The following LRP1B variants were observed in gnomAD, a reference collection of about 807,000 sequenced individuals.
The protein encoded by LRP1B is low-density lipoprotein receptor-related protein 1B.
LRP1B carries 217 observed loss-of-function variants against 556.6 expected under a neutral mutation model. That is an observed-to-expected ratio of 0.39 (90% confidence interval 0.35 to 0.44). LRP1B has a LOEUF of 0.44. LRP1B is among the 20% of genes least tolerant of loss of function. The probability of loss-of-function intolerance (pLI) is 1.00; values close to 1 mark genes in which losing one functional copy is unlikely to be tolerated. For missense variants in LRP1B, 5,053 were observed against 5,620.8 expected (o/e 0.90, Z 3.23); for synonymous variants, 2,047 against 1,865.8 (o/e 1.10, Z -2.50).
intron 2 of LRP1B, among the ~76,000 whole-genome samples, chr2:141,619,174 T>C (rs575964724): frequency 6.6e-6 from 1 of 152,304 alleles, no homozygotes; most frequent in East Asian, 1.9e-4. Flanking sequence ...CTTGAGCCTT[T>C]TTAGGGAATT....
chr2:141,437,984 C>A (rs1002747571), intron 3 of LRP1B, among the ~76,000 whole-genome samples: 1 of 151,976 alleles, frequency 6.6e-6, no homozygotes, highest in African/African-American at 2.4e-5. Context: ...ACATAAAATT[C>A]TTCTCATTAT....
Position 141,857,846 on chromosome 2 carries a change from G to A in LRP1B, c.83-47445C>T, listed in dbSNP as rs1022484340. Among the ~76,000 whole-genome samples the A allele has an allele frequency of 2.0e-5, 3 of 152,200 alleles. No individual in the cohort carries two copies. The East Asian group carries it at 5.8e-4, about 29-fold the overall frequency. ...CCCTTTCACAGAACAGCCTTCACCT[G>A]TACTGCAGATATTTAAAGCCTACCT... is the stretch of plus-strand genomic sequence containing the variant. On this transcript the variant is annotated intron_variant, in intron 1 of 90. Transcript: ENST00000389484.
intron 3 of LRP1B, among the ~76,000 whole-genome samples, chr2:141,395,033 C>G (rs1690191448): frequency 6.6e-6 from 1 of 152,062 alleles, no homozygotes. Context: ...ACTGCATATA[C>G]AAATTGTGGT....
intron 2 of LRP1B, among the ~76,000 whole-genome samples, chr2:141,732,359 ATT>A (rs5834862): frequency 6.6e-6 from 1 of 151,590 alleles, no homozygotes; most frequent in Non-Finnish European, 1.5e-5. Context: ...GTTTTTTTCC[ATT>A]TTTTTTTAAA....
chr2:140,340,017 T>C (rs1307709265), intron 77 of LRP1B, among the ~76,000 whole-genome samples: 1 of 151,534 alleles, frequency 6.6e-6, no homozygotes, highest in Non-Finnish European at 1.5e-5. Context: ...TTCTCAGTTG[T>C]TGAAAAAGAC....
At chr2:140,373,957 C>T (rs1334211454) in intron 68 of LRP1B, among the ~76,000 whole-genome samples, 3 of 152,198 alleles carry the variant, frequency 2.0e-5, no homozygotes, top group African/African-American at 4.8e-5. Flanking sequence ...CATCTCTTTT[C>T]CTTTGCACCA....
intron 66 of LRP1B, among the ~76,000 whole-genome samples, chr2:140,395,219 C>G (rs996417949): frequency 3.3e-5 from 5 of 152,096 alleles, no homozygotes; most frequent in African/African-American, 1.2e-4. Flanking sequence ...TTATAATTAC[C>G]TGAGTAATGC....
intron 3 of LRP1B, among the ~76,000 whole-genome samples, chr2:141,415,765 A>G (rs1338093009): frequency 2.6e-5 from 4 of 152,112 alleles, no homozygotes; most frequent in Admixed American, 1.3e-4. Flanking sequence ...GTAAATAATT[A>G]TCTCCCCTCA....
At chr2:140,675,541 T>G (rs1377247698) in intron 41 of LRP1B, among the ~76,000 whole-genome samples, 3 of 152,220 alleles carry the variant, frequency 2.0e-5, no homozygotes, top group Admixed American at 6.5e-5. Context: ...TACCAAATAG[T>G]CTTTAATTAA....
intron 2 of LRP1B, among the ~76,000 whole-genome samples, chr2:141,566,786 G>T (rs1686346875): frequency 6.6e-6 from 1 of 152,004 alleles, no homozygotes; most frequent in African/African-American, 2.4e-5. Flanking sequence ...TTGAGCCCAG[G>T]TGTTTGAGGC....
intron 21 of LRP1B, among the ~76,000 whole-genome samples, chr2:140,916,617 TC>T (rs1355378137): frequency 1.3e-5 from 2 of 152,170 alleles, no homozygotes; most frequent in Non-Finnish European, 2.9e-5. Context: ...TGTTGCTTAT[TC>T]CAATGGAATC....
At chr2:140,639,879 C>CAACA (rs1473558353) in intron 41 of LRP1B, among the ~76,000 whole-genome samples, 1 of 152,166 alleles carries the variant, frequency 6.6e-6, no homozygotes, top group African/African-American at 2.4e-5. Context: ...ACTTGCTTTT[C>CAACA]CTTGATTCAA....
chr2:141,426,533 T>C (rs1680370011), intron 3 of LRP1B, among the ~76,000 whole-genome samples: 1 of 152,062 alleles, frequency 6.6e-6, no homozygotes, highest in African/African-American at 2.4e-5. Flanking sequence ...TACCAAAGCT[T>C]CTTTGAAATG....
At position 140,492,601 on chromosome 2, in the gene LRP1B, GT is replaced by G. The variant is rs1688749370; in HGVS notation, c.9120+6del. 6.2e-7 allele frequency: 1 copy of G among 1,602,118 alleles called. No homozygotes were observed. Among genetic ancestry groups the G allele is most frequent in the Admixed American group, 1.7e-5 (1 of 59,984 alleles). ...AATGTTACGGTGTCATCTTGGGAGT[GT>G]CATACCTGTTTTAAAAGTGTGTAGT... On this transcript the variant is annotated splice_donor_region_variant and intron_variant, in intron 57 of 90. Transcript: ENST00000389484.
At chr2:141,274,705 T>C (rs1364426030) in intron 3 of LRP1B, among the ~76,000 whole-genome samples, 1 of 152,168 alleles carries the variant, frequency 6.6e-6, no homozygotes, top group Non-Finnish European at 1.5e-5. Flanking sequence ...GTATGGTATG[T>C]AAATAATACC....
At chr2:141,673,911 G>T (rs1271618523) in intron 2 of LRP1B, among the ~76,000 whole-genome samples, 1 of 151,916 alleles carries the variant, frequency 6.6e-6, no homozygotes, top group Admixed American at 6.6e-5. Flanking sequence ...AAGCAATTTT[G>T]TGAGAGCTGC....
chr2:142,023,068 CT>C (rs1703392282), intron 1 of LRP1B, among the ~76,000 whole-genome samples: 1 of 152,154 alleles, frequency 6.6e-6, no homozygotes, highest in Non-Finnish European at 1.5e-5. Context: ...GCTAGCACAT[CT>C]TATCTGAAGA....
At chr2:141,310,403 G>C (rs949251853) in intron 3 of LRP1B, among the ~76,000 whole-genome samples, 9 of 152,088 alleles carry the variant, frequency 5.9e-5, no homozygotes, top group African/African-American at 2.2e-4. Context: ...ATACCTCGTA[G>C]GGTTATTATA....
At chr2:140,570,706 G>A (rs995036091) in intron 43 of LRP1B, among the ~76,000 whole-genome samples, 3 of 151,162 alleles carry the variant, frequency 2.0e-5, no homozygotes, top group African/African-American at 4.9e-5. Context: ...AACCAAATAA[G>A]GACACCACAA....
Sources: allele counts gnomAD v4.1 joint callset (sites outside exome capture counted in the v4.1 genomes callset), GRCh38; gene constraint gnomAD v4.1.1; transcripts MANE v1.5; gene names NCBI Gene and HGNC (gene_info 2026-07-23, HGNC 2026-07-21).